Variants in ZFAT observed in about 807,000 individuals in gnomAD.
ZFAT encodes the protein zinc finger and AT-hook domain containing, also known as zinc finger protein ZFAT.
ZFAT carries 64 observed loss-of-function variants against 117.7 expected under a neutral mutation model. The ratio of observed to expected loss-of-function variants is 0.54; its 90% CI spans 0.44 to 0.67. The LOEUF is 0.67. Ranked by LOEUF, ZFAT falls within the 30% of genes least tolerant of loss-of-function variation. The pLI, the probability that ZFAT is intolerant of heterozygous loss-of-function variation, is 0.00. For missense variants in ZFAT, 1,433 were observed against 1,584.5 expected (o/e 0.90, Z 1.62); for synonymous variants, 679 against 615.0 (o/e 1.10, Z -1.54).
chr8:134,799,228 T>G, the ZFAT span, among the ~76,000 whole-genome samples: 2 of 152,296 alleles, frequency 1.3e-5, no homozygotes, highest in African/African-American at 4.8e-5. Flanking sequence ...CTCATAACAT[T>G]TAGACATCTT....
In ZFAT at chr8:134,695,012, G is replaced by A. The variant is rs1165632497; in HGVS notation, c.19+17833C>T. ...AAATGAAGTCACCTGGGAAAGGGAG[G>A]ATTCTCATGCCCACAGCAGGATGGT... On this transcript the variant is annotated intron_variant, in intron 1 of 15. Coordinates refer to ENST00000377838, the MANE Select transcript of ZFAT (RefSeq NM_020863.4). 2.0e-5 allele frequency among the ~76,000 whole-genome samples: 3 copies of A among 152,322 alleles called. No individual in the cohort carries two copies. The East Asian group carries it at 5.8e-4, about 29-fold the overall frequency.
chr8:134,598,016 C>T (rs986600898), intron 7 of ZFAT: 7 of 152,338 alleles, frequency 4.6e-5, no homozygotes, highest in African/African-American at 1.7e-4. Flanking sequence ...TCCCTGCCCT[C>T]ACGGCACAAC....
intron 1 of ZFAT, among the ~76,000 whole-genome samples, chr8:134,694,948 G>T (rs1055390377): frequency 6.6e-6 from 1 of 152,118 alleles, no homozygotes; most frequent in Non-Finnish European, 1.5e-5. Context: ...TGGAAAATTA[G>T]TTCTCAAAAG....
intron 1 of ZFAT, among the ~76,000 whole-genome samples, chr8:134,667,327 C>A (rs1586919987): frequency 2.0e-5 from 3 of 152,048 alleles, no homozygotes; most frequent in Admixed American, 2.0e-4. Context: ...TCTGTCTCTA[C>A]TAAAAATGCA....
chr8:134,761,589 A>T, the ZFAT span, among the ~76,000 whole-genome samples: 1 of 151,960 alleles, frequency 6.6e-6, no homozygotes, highest in African/African-American at 2.4e-5. Flanking sequence ...AGTCCCAGCT[A>T]CTTGGGAGGC....
At chr8:134,661,082 T>C (rs1181052258) in intron 1 of ZFAT, among the ~76,000 whole-genome samples, 1 of 152,088 alleles carries the variant, frequency 6.6e-6, no homozygotes, top group Non-Finnish European at 1.5e-5. Flanking sequence ...ACGTGGGCCA[T>C]GAGAGTGGGG....
At chr8:134,659,568 T>C (rs773224736) in intron 1 of ZFAT, among the ~76,000 whole-genome samples, 1 of 152,194 alleles carries the variant, frequency 6.6e-6, no homozygotes, top group Admixed American at 6.5e-5. Flanking sequence ...AAAGGGTGCA[T>C]GATGGCTTGT....
At chr8:134,645,850 A>G (rs1190702810) in intron 2 of ZFAT, among the ~76,000 whole-genome samples, 2 of 152,206 alleles carry the variant, frequency 1.3e-5, no homozygotes, top group African/African-American at 4.8e-5. Flanking sequence ...TCTCAAGTCC[A>G]CATGAAAAAT....
the ZFAT span, among the ~76,000 whole-genome samples, chr8:134,827,562 G>C: frequency 6.6e-6 from 1 of 152,012 alleles, no homozygotes; most frequent in African/African-American, 2.4e-5. Flanking sequence ...GAGGTCAGGA[G>C]TTTGAGACCA....
At chr8:134,790,938 C>T in the ZFAT span, among the ~76,000 whole-genome samples, 2 of 152,036 alleles carry the variant, frequency 1.3e-5, no homozygotes, top group South Asian at 2.1e-4. Flanking sequence ...TCACTTGAGC[C>T]CAGGAAATTG....
the ZFAT span, among the ~76,000 whole-genome samples, chr8:134,758,428 C>T: frequency 3.1e-3 from 475 of 152,326 alleles, 4 homozygotes; most frequent in African/African-American, 0.011. Context: ...ATTACTTAAC[C>T]TCTCTGTGCT....
At chr8:134,550,833 T>C (rs1823109695) in intron 11 of ZFAT, among the ~76,000 whole-genome samples, 1 of 152,106 alleles carries the variant, frequency 6.6e-6, no homozygotes, top group Admixed American at 6.5e-5. Context: ...CTGCCATGCA[T>C]CCCGCTCCCA....
the ZFAT span, among the ~76,000 whole-genome samples, chr8:134,828,239 C>T: frequency 5.9e-5 from 9 of 152,234 alleles, no homozygotes; most frequent in South Asian, 1.9e-3. Context: ...AGAGCCTGTA[C>T]TAAAAAAATC....
At chr8:134,646,483 A>C (rs1337806590) in intron 2 of ZFAT, among the ~76,000 whole-genome samples, 2 of 152,162 alleles carry the variant, frequency 1.3e-5, no homozygotes, top group Non-Finnish European at 2.9e-5. Flanking sequence ...TAAACAACAT[A>C]ATTTTACAAC....
chr8:134,625,369 C>A (rs1829429909), intron 3 of ZFAT, among the ~76,000 whole-genome samples: 1 of 152,208 alleles, frequency 6.6e-6, no homozygotes, highest in South Asian at 2.1e-4. Context: ...TTTGTATGAA[C>A]CATCACGAGA....
At chr8:134,615,754 T>A (rs1268513135) in intron 3 of ZFAT, among the ~76,000 whole-genome samples, 1 of 152,188 alleles carries the variant, frequency 6.6e-6, no homozygotes, top group Non-Finnish European at 1.5e-5. Context: ...GCAACGTGGA[T>A]CCACAGTCCA....
intron 11 of ZFAT, among the ~76,000 whole-genome samples, chr8:134,544,835 A>G (rs1822567784): frequency 6.6e-6 from 1 of 152,210 alleles, no homozygotes; most frequent in African/African-American, 2.4e-5. Flanking sequence ...GATATGGACC[A>G]AGAGAGGCTA....
At position 134,524,751 on chromosome 8, in the gene ZFAT, C is replaced by A. The variant is rs111830334; in HGVS notation, c.3116-3750G>T. Reference sequence around the variant, plus strand: ...TAGCATGCTGCTTCCTGCACTCAGTCCTCTCCTGGTATTGCACATGTCAGG... The same window carrying A: ...TAGCATGCTGCTTCCTGCACTCAGTACTCTCCTGGTATTGCACATGTCAGG... On this transcript the variant is annotated intron_variant, in intron 12 of 15. Transcript: ENST00000377838. Among the ~76,000 whole-genome samples the A allele has an allele frequency of 4.4e-3, 674 of 152,320 alleles. 7 individuals are homozygous for A. The highest frequency in any genetic ancestry group is 0.015 in the African/African-American group (618 of 41,566).
chr8:134,756,055 C>T, the ZFAT span, among the ~76,000 whole-genome samples: 7 of 151,982 alleles, frequency 4.6e-5, no homozygotes, highest in African/African-American at 1.7e-4. Flanking sequence ...CTTTCATCAC[C>T]AAGTTTCCTC....
Sources: gnomAD v4.1 joint callset for allele counts (sites outside exome capture counted in the v4.1 genomes callset) on GRCh38, gnomAD v4.1.1 for gene constraint, MANE v1.5 for transcripts, NCBI Gene and HGNC (gene_info 2026-07-23, HGNC 2026-07-21) for gene names.